The following IFI16 variants were observed in gnomAD, a reference collection of about 807,000 sequenced individuals.
The protein encoded by IFI16 is gamma-interferon-inducible protein 16.
IFI16 carries 49 observed loss-of-function variants against 68.4 expected under a neutral mutation model. That is an observed-to-expected ratio of 0.72 (90% CI 0.57 to 0.91). The LOEUF (loss-of-function observed/expected upper bound fraction) is 0.91. Among genes scored for constraint, IFI16 ranks in the 40% least tolerant of loss-of-function variants. The probability of loss-of-function intolerance (pLI) is 0.00; values close to 1 mark genes in which losing one functional copy is unlikely to be tolerated. For synonymous variants in IFI16, 307 were observed against 315.0 expected (o/e 0.97, Z 0.27); for missense variants, 878 against 942.9 (o/e 0.93, Z 0.90).
chr1:159,019,073 T>C (rs562318705), intron 5 of IFI16, among the ~76,000 whole-genome samples: 1 of 152,264 alleles, frequency 6.6e-6, no homozygotes, highest in East Asian at 1.9e-4. Flanking sequence ...TGAGTTCTGG[T>C]TGTGACAGTC....
Position 159,053,671 on chromosome 1 carries a change from C to T in IFI16, c.2224C>T (p.Pro742Ser), listed in dbSNP as rs764856281. ...GAAACTCACCTGCTTTGAATTGGCA[C>T]CGAAAAGTGGGAATACCGGGGAGTT... ...KLKLTCFELAPKSGNTGELRS... is the reference protein window; with the variant it reads ...KLKLTCFELASKSGNTGELRS... Residue 742 changes from proline (P) to serine (S), a missense_variant, in exon 11 of 12, where the codon CCG (proline) becomes TCG (serine). Coordinates refer to ENST00000295809, the MANE Select transcript of IFI16 (RefSeq NM_001376587.1). 2 of 1,613,854 alleles carry T rather than the reference C, an allele frequency of 1.2e-6. No individual in the cohort carries two copies. Among genetic ancestry groups the T allele is most frequent in the Non-Finnish European group, 1.7e-6 (2 of 1,179,862 alleles).
intron 7 of IFI16, among the ~76,000 whole-genome samples, chr1:159,041,819 G>A (rs1428932076): frequency 1.3e-5 from 2 of 152,098 alleles, no homozygotes; most frequent in Admixed American, 6.5e-5. Context: ...CCTATAAAAA[G>A]GGGGATTTTG....
chr1:159,037,614 G>A (rs72709526), intron 7 of IFI16, among the ~76,000 whole-genome samples: 33 of 152,180 alleles, frequency 2.2e-4, no homozygotes, highest in African/African-American at 7.7e-4. Context: ...ATTACTCAAC[G>A]AAATCTACAA....
intron 8 of IFI16, among the ~76,000 whole-genome samples, chr1:159,046,701 A>G (rs2793843): frequency 0.98 from 147,754 of 150,886 alleles, 72,471 homozygotes; most frequent in East Asian, 1. Context: ...AAATTTTTCC[A>G]TCTCAATTCT....
upstream of IFI16, among the ~76,000 whole-genome samples, chr1:159,005,699 G>A (rs1434303776): frequency 6.6e-6 from 1 of 152,140 alleles, no homozygotes; most frequent in Admixed American, 6.5e-5. Context: ...TTGTGAAAAC[G>A]TGTTCTGGGA....
At chr1:159,039,265 C>T (rs980378795) in intron 7 of IFI16, among the ~76,000 whole-genome samples, 1 of 152,010 alleles carries the variant, frequency 6.6e-6, no homozygotes, top group Non-Finnish European at 1.5e-5. Flanking sequence ...ATAGAAAATA[C>T]CAGAGAGATG....
At chr1:159,036,038 C>T (rs557488992) in intron 7 of IFI16, among the ~76,000 whole-genome samples, 26 of 152,150 alleles carry the variant, frequency 1.7e-4, no homozygotes, top group Non-Finnish European at 3.4e-4. Flanking sequence ...CATACCAACT[C>T]GATCTAGGGT....
upstream of IFI16, among the ~76,000 whole-genome samples, chr1:159,005,619 G>T (rs1652225534): frequency 6.6e-6 from 1 of 152,190 alleles, no homozygotes; most frequent in South Asian, 2.1e-4. Flanking sequence ...CTGCAATACA[G>T]AAACTACAAA....
intron 6 of IFI16, among the ~76,000 whole-genome samples, chr1:159,028,474 G>A (rs149728756): frequency 0.02 from 3,094 of 152,188 alleles, 118 homozygotes; most frequent in African/African-American, 0.071. Context: ...CTGATGAAAA[G>A]AATGTATATT....
intron 6 of IFI16, among the ~76,000 whole-genome samples, chr1:159,023,423 T>G (rs979003259): frequency 2.0e-5 from 3 of 152,202 alleles, no homozygotes; most frequent in Non-Finnish European, 2.9e-5. Flanking sequence ...TTGCTGATTA[T>G]AGTAGATATA....
intron 6 of IFI16, 163 bp from the exon 7 acceptor site, chr1:159,032,361 A>C: frequency 6.8e-6 from 3 of 441,654 alleles, no homozygotes. Context: ...TTTAGCAAAA[A>C]AAATATTCTG....
At chr1:159,009,648 C>T (rs1557860238), upstream of IFI16, among the ~76,000 whole-genome samples, 1 of 152,118 alleles carries the variant, frequency 6.6e-6, no homozygotes, top group Non-Finnish European at 1.5e-5. Context: ...AGAAAAAAAA[C>T]TTATTTGTGT....
intron 10 of IFI16, 177 bp from the exon 11 acceptor site, chr1:159,053,356 G>A (rs886740406): frequency 1.4e-5 from 6 of 434,764 alleles, no homozygotes; most frequent in African/African-American, 8.2e-5. Flanking sequence ...CAAGGGAGGA[G>A]TTGAAAGGCA....
intron 3 of IFI16, 95 bp from the exon 4 acceptor site, chr1:159,016,436 CTT>C: frequency 2.6e-6 from 3 of 1,148,532 alleles, no homozygotes; most frequent in Non-Finnish European, 3.6e-6. Flanking sequence ...CAAGAAACAT[CTT>C]CTTAGGAATA....
intron 6 of IFI16, among the ~76,000 whole-genome samples, chr1:159,022,477 G>A (rs1364628650): frequency 1.3e-5 from 2 of 152,204 alleles, no homozygotes; most frequent in Non-Finnish European, 2.9e-5. Flanking sequence ...CCCTCCTGCT[G>A]CGTTCGGTTT....
At chr1:159,042,279 A>G (rs561023755) in intron 7 of IFI16, among the ~76,000 whole-genome samples, 2 of 150,606 alleles carry the variant, frequency 1.3e-5, no homozygotes, top group East Asian at 3.9e-4. Flanking sequence ...AAGCATAACA[A>G]TTTTATATTT....
intron 9 of IFI16, 127 bp downstream of exon 9, chr1:159,049,726 T>C: frequency 2.1e-6 from 2 of 943,298 alleles, no homozygotes; most frequent in East Asian, 4.9e-5. Context: ...AATCAGTCAT[T>C]TATTTATCAA....
chr1:159,032,815 A>G, intron 7 of IFI16, 124 bp downstream of exon 7: 1 of 799,746 alleles, frequency 1.3e-6, no homozygotes. Context: ...GTATGAAATT[A>G]TGTCACTCAA....
At chr1:159,034,491 C>A (rs1654199059) in intron 7 of IFI16, among the ~76,000 whole-genome samples, 2 of 152,220 alleles carry the variant, frequency 1.3e-5, no homozygotes, top group South Asian at 2.1e-4. Context: ...TTCCAATTAC[C>A]TTTCATCCTT....
Sources: allele counts gnomAD v4.1 joint callset (sites outside exome capture counted in the v4.1 genomes callset), GRCh38; gene constraint gnomAD v4.1.1; transcripts MANE v1.5; gene names NCBI Gene and HGNC (gene_info 2026-07-23, HGNC 2026-07-21).